DPP10: variants seen among roughly 807,000 people sequenced by gnomAD.
DPP10 encodes inactive dipeptidyl peptidase 10.
A neutral mutation model predicts 120.9 loss-of-function variants in DPP10; 33 were observed. That is an observed-to-expected ratio of 0.27 (90% CI 0.21 to 0.37). DPP10 has a LOEUF of 0.37. DPP10 is among the 10% of genes least tolerant of loss of function. DPP10 has a pLI of 1.00. For synonymous variants in DPP10, 337 were observed against 326.1 expected (o/e 1.03, Z -0.36); for missense variants, 816 against 942.8 (o/e 0.87, Z 1.76).
intron 1 of DPP10, among the ~76,000 whole-genome samples, chr2:115,044,656 C>T (rs546884764): frequency 1.3e-5 from 2 of 152,224 alleles, no homozygotes; most frequent in East Asian, 3.9e-4. Context: ...GGGGAGAACA[C>T]AGATCCAAAC....
intron 1 of DPP10, among the ~76,000 whole-genome samples, chr2:115,103,184 C>CTT (rs71394123): frequency 0.015 from 1,787 of 122,046 alleles, 33 homozygotes; most frequent in Non-Finnish European, 0.02. Context: ...CTGATTCTCT[C>CTT]TTTTTTTTTT....
At chr2:115,134,681 A>T (rs2050556839) in intron 1 of DPP10, among the ~76,000 whole-genome samples, 3 of 152,178 alleles carry the variant, frequency 2.0e-5, no homozygotes, top group Non-Finnish European at 4.4e-5. Flanking sequence ...GTAATAGCAT[A>T]ATGGATAATA....
At chr2:115,521,235 C>A (rs191288173) in intron 4 of DPP10, among the ~76,000 whole-genome samples, 1 of 152,264 alleles carries the variant, frequency 6.6e-6, no homozygotes, top group African/African-American at 2.4e-5. Flanking sequence ...TGATTACTGG[C>A]CCACCCGGTA....
chr2:114,804,875 T>C (rs1684585214), intron 1 of DPP10, among the ~76,000 whole-genome samples: 1 of 152,088 alleles, frequency 6.6e-6, no homozygotes, highest in African/African-American at 2.4e-5. Context: ...GGTTTTGAAA[T>C]GTGGGGACAT....
chr2:115,073,018 G>A lies in DPP10; in HGVS notation c.61-236221G>A, dbSNP rs149213044. 2.0e-3 allele frequency among the ~76,000 whole-genome samples: 307 copies of A among 152,170 alleles called. 11 individuals are homozygous for A. In the East Asian group the frequency reaches 0.057, roughly 28 times the overall value. ...GGCTGGTCTCGAACTTCTAACCTCA[G>A]GTGATCCACCCACTTCAGCCTCCCA... On this transcript the variant is annotated intron_variant, in intron 1 of 25. Transcript: ENST00000410059.
rs112320336 is a variant in DPP10 at position 114,563,065 on chromosome 2, G to A, written c.60+120227G>A. 7.2e-5 allele frequency among the ~76,000 whole-genome samples: 11 copies of A among 152,198 alleles called. No individual in the cohort carries two copies. The South Asian group carries it at 1.0e-3, about 14-fold the overall frequency. On this transcript the variant is annotated intron_variant, in intron 1 of 25. Transcript: ENST00000410059. ...GACTGTTTTTCATTCAAATTTCAAC[G>A]TTTGCATATTAAGAACACATAAAAC...
chr2:114,682,683 G>A (rs984887519), intron 1 of DPP10, among the ~76,000 whole-genome samples: 1 of 151,538 alleles, frequency 6.6e-6, no homozygotes, highest in African/African-American at 2.4e-5. Flanking sequence ...TAGTTAAGTT[G>A]GTTCAAAAGA....
At chr2:115,392,895 T>C (rs749168513) in intron 3 of DPP10, among the ~76,000 whole-genome samples, 1 of 152,186 alleles carries the variant, frequency 6.6e-6, no homozygotes, top group African/African-American at 2.4e-5. Context: ...AAGAATCCAT[T>C]ACCTTCAAAA....
intron 1 of DPP10, among the ~76,000 whole-genome samples, chr2:115,080,666 A>G (rs770195793): frequency 6.6e-6 from 1 of 152,062 alleles, no homozygotes; most frequent in Non-Finnish European, 1.5e-5. Context: ...AAGCTTGCCA[A>G]CCCTTCATTT....
rs929751733 is a variant in DPP10, at chr2:115,749,774, G to A, written c.951-3400G>A. On this transcript the variant is annotated intron_variant, in intron 10 of 25. Transcript: ENST00000410059. ...AAAATGAGCTCAAAGTAACTACACC[G>A]CACAAATATTTTGGTGTAAACACAG... Among the ~76,000 whole-genome samples the A allele has an allele frequency of 2.5e-4, 38 of 152,272 alleles. 2 individuals are homozygous for A. The highest frequency in any genetic ancestry group is 1.9e-3 in the East Asian group (10 of 5,176).
intron 3 of DPP10, among the ~76,000 whole-genome samples, chr2:115,405,625 T>G (rs1265039077): frequency 1.3e-5 from 2 of 152,166 alleles, no homozygotes; most frequent in Admixed American, 1.3e-4. Flanking sequence ...TGACAAAAAC[T>G]TTGAAATCTA....
At chr2:114,453,386 T>C (rs1407807568) in intron 1 of DPP10, among the ~76,000 whole-genome samples, 2 of 152,304 alleles carry the variant, frequency 1.3e-5, no homozygotes, top group African/African-American at 4.8e-5. Flanking sequence ...TCAATTTTCA[T>C]TGTGTTTTCT....
intron 8 of DPP10, among the ~76,000 whole-genome samples, chr2:115,736,052 A>G (rs1390037140): frequency 1.3e-5 from 2 of 152,134 alleles, no homozygotes; most frequent in Non-Finnish European, 2.9e-5. Flanking sequence ...TAATGAGCCC[A>G]CAATGGTGGG....
intron 1 of DPP10, among the ~76,000 whole-genome samples, chr2:114,491,645 A>G (rs1428050859): frequency 1.3e-5 from 2 of 152,210 alleles, no homozygotes; most frequent in Non-Finnish European, 2.9e-5. Context: ...CAGATACTGC[A>G]TTTCCTTAGG....
chr2:115,195,166 T>A (rs954194653), intron 1 of DPP10, among the ~76,000 whole-genome samples: 4 of 152,188 alleles, frequency 2.6e-5, no homozygotes, highest in Admixed American at 6.5e-5. Context: ...TCCTGAGACA[T>A]TGAAAGGGAT....
intron 1 of DPP10, among the ~76,000 whole-genome samples, chr2:114,998,373 C>T (rs1187093223): frequency 1.3e-5 from 2 of 152,104 alleles, no homozygotes; most frequent in African/African-American, 2.4e-5. Flanking sequence ...ACTCTTAGAT[C>T]AATGACATAT....
In DPP10 at chr2:114,581,711, T is replaced by C. The variant is rs150436307; in HGVS notation, c.60+138873T>C. 2.7e-3 allele frequency among the ~76,000 whole-genome samples: 415 copies of C among 152,340 alleles called. 2 individuals are homozygous for C. The highest frequency in any genetic ancestry group is 6.7e-3 in the Admixed American group (102 of 15,304). On this transcript the variant is annotated intron_variant, in intron 1 of 25. Coordinates refer to ENST00000410059, the MANE Select transcript of DPP10 (RefSeq NM_020868.6). ...TGAGCTAAATAAAATCTTTGACATG[T>C]ACATTTTATATCTGTGTAAACTCAT... is the stretch of plus-strand genomic sequence containing the variant.
chr2:115,137,077 G>GT (rs2050685772), intron 1 of DPP10, among the ~76,000 whole-genome samples: 1 of 152,150 alleles, frequency 6.6e-6, no homozygotes, highest in African/African-American at 2.4e-5. Flanking sequence ...AAAGCCACGT[G>GT]TGAGGGTGTG....
At chr2:115,036,397 G>T (rs1440008103) in intron 1 of DPP10, among the ~76,000 whole-genome samples, 1 of 152,208 alleles carries the variant, frequency 6.6e-6, no homozygotes, top group Non-Finnish European at 1.5e-5. Flanking sequence ...TCTTTGGTTA[G>T]AAATGATGAG....
Sources: gnomAD v4.1 joint callset for allele counts (sites outside exome capture counted in the v4.1 genomes callset) on GRCh38, gnomAD v4.1.1 for gene constraint, MANE v1.5 for transcripts, NCBI Gene and HGNC (gene_info 2026-07-23, HGNC 2026-07-21) for gene names.